MTHFD1L: variants seen among roughly 807,000 people sequenced by gnomAD.
The protein encoded by MTHFD1L is monofunctional C1-tetrahydrofolate synthase, mitochondrial.
MTHFD1L carries 81 observed loss-of-function variants against 119.5 expected under a neutral mutation model. The observed-to-expected ratio is 0.68, with a 90% CI of 0.57 to 0.82. The LOEUF is 0.82. MTHFD1L is among the 40% of genes least tolerant of loss of function. MTHFD1L has a pLI of 0.00. For synonymous variants in MTHFD1L, 430 were observed against 475.2 expected, an observed-to-expected ratio of 0.90 and a Z score of 1.24; for missense variants, 1,125 against 1,253.4, an observed-to-expected ratio of 0.90 and a Z score of 1.55.
intron 17 of MTHFD1L, among the ~76,000 whole-genome samples, chr6:150,958,614 C>T (rs1795981108): frequency 6.6e-6 from 1 of 152,142 alleles, no homozygotes; most frequent in Non-Finnish European, 1.5e-5. Flanking sequence ...TTACACATTG[C>T]ATACCTGTAT....
intron 26 of MTHFD1L, among the ~76,000 whole-genome samples, chr6:151,038,092 T>A (rs1786463099): frequency 6.6e-6 from 1 of 152,248 alleles, no homozygotes; most frequent in Admixed American, 6.5e-5. Flanking sequence ...CAATGTTTTT[T>A]CAATCAGCAT....
At position 150,881,121 on chromosome 6, in the gene MTHFD1L, G is replaced by A. The variant is rs77371314; in HGVS notation, c.418-1641G>A. On this transcript the variant is annotated intron_variant, in intron 4 of 27. Coordinates refer to ENST00000367321, the MANE Select transcript of MTHFD1L (RefSeq NM_015440.5). The stretch of plus-strand genomic sequence containing the variant: ...ATCCCACTGATGTATTTTTGCTTTC[G>A]TTGCCTATTTTGTTGAGGTCCTATC... 6.8e-3 allele frequency among the ~76,000 whole-genome samples: 1,034 copies of A among 152,132 alleles called. 7 individuals carry two copies. Among genetic ancestry groups the A allele is most frequent in the East Asian group, 0.034 (174 of 5,184 alleles).
In MTHFD1L at chr6:150,876,164, C is replaced by T; in HGVS notation, c.302C>T (p.Ala101Val). ...EKNPAFKPVLAIIQAGDDNLM... is the reference protein window; with the variant it reads ...EKNPAFKPVLVIIQAGDDNLM... ...AACCCTGCCTTCAAGCCGGTTCTTG[C>T]AATTATCCAGGTAAGCCGAGAACAA... is the stretch of plus-strand genomic sequence containing the variant. The change falls in exon 2 of 28, where the codon GCA becomes GTA. Residue 101 changes from alanine (A) to valine (V), a missense_variant. Ala to Val is a moderately conservative substitution (Grantham distance 64, BLOSUM62 0). Around this residue, in one of 3 missense-constraint regions of MTHFD1L, gnomAD observed 1,058 missense variants for 1,151.2 expected, o/e 0.92. Transcript: ENST00000367321. The T allele has an allele frequency of 6.3e-7, 1 of 1,591,488 alleles. No homozygotes were observed. Among genetic ancestry groups the T allele is most frequent in the Non-Finnish European group, 8.5e-7 (1 of 1,169,724 alleles).
At chr6:151,089,877 A>C (rs781607062) in intron 26 of MTHFD1L, among the ~76,000 whole-genome samples, 1 of 152,208 alleles carries the variant, frequency 6.6e-6, no homozygotes, top group Non-Finnish European at 1.5e-5. Flanking sequence ...TGTGATACCC[A>C]TCTTCATACC....
At chr6:150,966,832 AAG>A in intron 19 of MTHFD1L, among the ~76,000 whole-genome samples, 1 of 152,192 alleles carries the variant, frequency 6.6e-6, no homozygotes, top group East Asian at 1.9e-4. Flanking sequence ...CTTTTAAAAA[AAG>A]GGAATAGAAA....
intron 11 of MTHFD1L, among the ~76,000 whole-genome samples, chr6:150,928,072 T>TA (rs1342859277): frequency 6.6e-6 from 1 of 152,198 alleles, no homozygotes; most frequent in East Asian, 1.9e-4. Context: ...TGCATCTGTT[T>TA]AATTATCTCC....
chr6:150,941,099 C>T (rs1434727108), intron 13 of MTHFD1L, among the ~76,000 whole-genome samples: 1 of 152,164 alleles, frequency 6.6e-6, no homozygotes, highest in African/African-American at 2.4e-5. Context: ...GAATAAATTC[C>T]AGATGGGCTG....
chr6:150,923,509 C>CTTTATTTATTTATTTATTTA (rs368593673), intron 10 of MTHFD1L, among the ~76,000 whole-genome samples: 24,384 of 117,726 alleles, frequency 0.21, 3,259 homozygotes, highest in East Asian at 0.39. Flanking sequence ...GTAACTGACA[C>CTTTATTTATTTATTTATTTA]TTTATTTATT....
At chr6:150,874,999 C>T (rs531393954) in intron 1 of MTHFD1L, among the ~76,000 whole-genome samples, 2 of 151,764 alleles carry the variant, frequency 1.3e-5, no homozygotes, top group Non-Finnish European at 2.9e-5. Context: ...CCACCCGCCT[C>T]AGCTTCCCAA....
chr6:150,903,841 G>A (rs1785459910), intron 7 of MTHFD1L, among the ~76,000 whole-genome samples: 1 of 152,198 alleles, frequency 6.6e-6, no homozygotes, highest in African/African-American at 2.4e-5. Context: ...GCTTATTAAT[G>A]GATAATCAAT....
At chr6:151,092,059 T>C (rs1794495963) in intron 26 of MTHFD1L, among the ~76,000 whole-genome samples, 1 of 152,004 alleles carries the variant, frequency 6.6e-6, no homozygotes, top group South Asian at 2.1e-4. Context: ...AGCTATAGGT[T>C]TTACAAAAAT....
Position 150,938,731 on chromosome 6 carries a change from A to G in MTHFD1L, c.1426A>G (p.Ile476Val), listed in dbSNP as rs768126317. Reference protein sequence around the residue: ...GAAGGGYAQVIPMEEFNLHLT... With the variant: ...GAAGGGYAQVVPMEEFNLHLT... ...CGCGGGTGGTGGATATGCCCAGGTC[A>G]TCCCCATGGAGGAGGTAAGACCTTG... Residue 476 changes from isoleucine to valine, a missense_variant, in exon 13 of 28, where the codon ATC becomes GTC. Physicochemically the swap from Ile to Val is conservative, Grantham distance 29. Transcript: ENST00000367321. 4.3e-6 allele frequency: 7 copies of G among 1,610,080 alleles called. No homozygotes were observed. The highest frequency in any genetic ancestry group is 3.3e-5 in the South Asian group (3 of 89,758).
chr6:151,064,458 TG>T (rs1161277200), intron 26 of MTHFD1L, among the ~76,000 whole-genome samples: 2 of 151,742 alleles, frequency 1.3e-5, no homozygotes, highest in Non-Finnish European at 2.9e-5. Flanking sequence ...GGATTACAGG[TG>T]CCTGCCACTG....
intron 9 of MTHFD1L, among the ~76,000 whole-genome samples, chr6:150,919,741 A>G (rs1042599474): frequency 1.3e-5 from 2 of 152,150 alleles, no homozygotes; most frequent in African/African-American, 4.8e-5. Context: ...ACCGAGGGAG[A>G]TGATGCTAAA....
At chr6:151,099,789 G>A in intron 27 of MTHFD1L, 1 of 1,607,432 alleles carries the variant, frequency 6.2e-7, no homozygotes, top group East Asian at 2.2e-5. Context: ...TGGAAGTGCT[G>A]CTGATGTGCA....
intron 26 of MTHFD1L, among the ~76,000 whole-genome samples, chr6:151,061,079 C>T (rs988635271): frequency 8.6e-5 from 13 of 152,042 alleles, no homozygotes; most frequent in East Asian, 1.9e-4. Context: ...CTGACTTGTT[C>T]GCTTAATGAC....
intron 20 of MTHFD1L, among the ~76,000 whole-genome samples, chr6:150,977,773 A>G (rs13201100): frequency 0.084 from 12,791 of 152,232 alleles, 1,291 homozygotes; most frequent in East Asian, 0.54. Flanking sequence ...GCAATTGTGT[A>G]TCCTTATAGG....
intron 20 of MTHFD1L, among the ~76,000 whole-genome samples, chr6:150,986,476 A>G (rs1778311722): frequency 6.6e-6 from 1 of 152,140 alleles, no homozygotes; most frequent in African/African-American, 2.4e-5. Context: ...GGAAGACAAC[A>G]TTTCCGTGGT....
intron 1 of MTHFD1L, among the ~76,000 whole-genome samples, chr6:150,871,886 AT>A (rs985548250): frequency 8.8e-5 from 13 of 147,534 alleles, no homozygotes; most frequent in Admixed American, 3.4e-4. Flanking sequence ...ATTTTATTTT[AT>A]TTTATTTTTT....
Sources: allele counts gnomAD v4.1 joint callset (sites outside exome capture counted in the v4.1 genomes callset), GRCh38; gene constraint gnomAD v4.1.1; regional missense constraint gnomAD v4.1.1; transcripts MANE v1.5; gene names NCBI Gene and HGNC (gene_info 2026-07-23, HGNC 2026-07-21).